Variants in MACROD2 observed in about 807,000 individuals in gnomAD.
MACROD2 encodes the protein mono-ADP ribosylhydrolase 2.
MACROD2 carries 36 observed loss-of-function variants against 70.4 expected under a neutral mutation model. The observed-to-expected ratio is 0.51, with a 90% CI of 0.39 to 0.68. MACROD2 has a LOEUF of 0.68. Ranked by LOEUF, MACROD2 falls within the 30% of genes least tolerant of loss-of-function variation. MACROD2 has a pLI of 0.00. For missense variants in MACROD2, 496 were observed against 538.4 expected, an observed-to-expected ratio of 0.92 and a Z score of 0.78; for synonymous variants, 172 against 178.8, an observed-to-expected ratio of 0.96 and a Z score of 0.30.
At chr20:14,896,649 T>TA (rs111803473) in intron 5 of MACROD2, among the ~76,000 whole-genome samples, 28,869 of 142,452 alleles carry the variant, frequency 0.2, 2,863 homozygotes, top group African/African-American at 0.24. Flanking sequence ...TGAGTTTCCA[T>TA]AAAAAAAAAA....
chr20:16,010,227 G>T (rs1283355704), intron 15 of MACROD2, among the ~76,000 whole-genome samples: 1 of 152,166 alleles, frequency 6.6e-6, no homozygotes, highest in Non-Finnish European at 1.5e-5. Flanking sequence ...GCATGTCCTG[G>T]TGCATGTGGG....
chr20:15,276,708 A>G (rs1233320490), intron 6 of MACROD2, among the ~76,000 whole-genome samples: 3 of 152,210 alleles, frequency 2.0e-5, no homozygotes, highest in African/African-American at 4.8e-5. Context: ...GAATGAAAGC[A>G]TATATATTTC....
At chr20:14,045,130 G>A (rs1673430070) in intron 2 of MACROD2, among the ~76,000 whole-genome samples, 2 of 152,236 alleles carry the variant, frequency 1.3e-5, no homozygotes, top group Non-Finnish European at 2.9e-5. Flanking sequence ...GCCTGCAAGC[G>A]CTGCACGTAG....
chr20:14,639,897 G>A (rs562729435), intron 4 of MACROD2, among the ~76,000 whole-genome samples: 9 of 152,022 alleles, frequency 5.9e-5, no homozygotes, highest in Admixed American at 2.6e-4. Context: ...GATATTTTTT[G>A]TCACTCCCTC....
At chr20:15,525,137 A>G (rs943265455) in intron 8 of MACROD2, among the ~76,000 whole-genome samples, 2 of 152,180 alleles carry the variant, frequency 1.3e-5, no homozygotes, top group African/African-American at 4.8e-5. Context: ...GTTGGCTCAT[A>G]AAGATGTGTT....
At chr20:14,766,134 G>GGC (rs1555827362) in intron 5 of MACROD2, among the ~76,000 whole-genome samples, 6 of 151,172 alleles carry the variant, frequency 4.0e-5, no homozygotes, top group Non-Finnish European at 8.9e-5. Context: ...TATTTAAAAT[G>GGC]GTGTGTGTGT....
chr20:14,882,798 A>C (rs183733855), intron 5 of MACROD2, among the ~76,000 whole-genome samples: 114 of 152,040 alleles, frequency 7.5e-4, no homozygotes, highest in African/African-American at 2.4e-3. Flanking sequence ...TTTTTTAAAA[A>C]TAAAGTTTAG....
intron 3 of MACROD2, among the ~76,000 whole-genome samples, chr20:14,178,093 A>C (rs1489382079): frequency 2.0e-5 from 3 of 152,180 alleles, no homozygotes; most frequent in African/African-American, 7.2e-5. Context: ...TATTCACAAC[A>C]TCTAGGGAAA....
At chr20:15,397,937 T>C (rs757580713) in intron 6 of MACROD2, among the ~76,000 whole-genome samples, 40 of 152,192 alleles carry the variant, frequency 2.6e-4, no homozygotes, top group Non-Finnish European at 4.6e-4. Flanking sequence ...GCCAATTTAG[T>C]AAACTTAGAG....
chr20:15,483,417 C>G (rs1943741484), intron 7 of MACROD2, among the ~76,000 whole-genome samples: 1 of 152,134 alleles, frequency 6.6e-6, no homozygotes, highest in South Asian at 2.1e-4. Context: ...ATCTATTTCT[C>G]CATCCTTTTG....
At chr20:15,439,121 G>A (rs912999353) in intron 7 of MACROD2, among the ~76,000 whole-genome samples, 1 of 152,102 alleles carries the variant, frequency 6.6e-6, no homozygotes, top group African/African-American at 2.4e-5. Flanking sequence ...ACCCCTTTGT[G>A]GTTTATTACA....
chr20:15,263,983 A>G (rs972492850), intron 6 of MACROD2, among the ~76,000 whole-genome samples: 1 of 152,110 alleles, frequency 6.6e-6, no homozygotes, highest in African/African-American at 2.4e-5. Context: ...TGCAAACAGG[A>G]TAATTTGACT....
intron 3 of MACROD2, among the ~76,000 whole-genome samples, chr20:14,298,708 CATG>C (rs1221159119): frequency 2.0e-5 from 3 of 150,436 alleles, no homozygotes; most frequent in Admixed American, 2.0e-4. Flanking sequence ...ATTTGTGACT[CATG>C]GGAGGAGGTC....
At chr20:14,541,735 A>T (rs1291179375) in intron 4 of MACROD2, among the ~76,000 whole-genome samples, 1 of 152,174 alleles carries the variant, frequency 6.6e-6, no homozygotes, top group African/African-American at 2.4e-5. Context: ...GAGGAGAAAG[A>T]GACGTATTAC....
chr20:15,674,977 G>A (rs1283002547), intron 8 of MACROD2, among the ~76,000 whole-genome samples: 1 of 152,102 alleles, frequency 6.6e-6, no homozygotes, highest in African/African-American at 2.4e-5. Flanking sequence ...GGAATAATGG[G>A]AAATGCAGGC....
intron 8 of MACROD2, among the ~76,000 whole-genome samples, chr20:15,831,786 C>T (rs2064058837): frequency 6.6e-6 from 1 of 152,182 alleles, no homozygotes; most frequent in Middle Eastern, 3.2e-3. Flanking sequence ...TGCCTCTGAA[C>T]TATCAGGTGC....
chr20:14,125,646 G>A (rs2054639439), intron 3 of MACROD2, among the ~76,000 whole-genome samples: 1 of 151,780 alleles, frequency 6.6e-6, no homozygotes. Context: ...TGTGAAATAG[G>A]GTCATTTTGC....
At chr20:15,760,775 C>T (rs1229978270) in intron 8 of MACROD2, among the ~76,000 whole-genome samples, 1 of 152,162 alleles carries the variant, frequency 6.6e-6, no homozygotes. Context: ...TGTGAATGGA[C>T]ACAGACACTG....
chr20:14,334,100 C>A, intron 3 of MACROD2, among the ~76,000 whole-genome samples: 1 of 152,152 alleles, frequency 6.6e-6, no homozygotes, highest in East Asian at 1.9e-4. Context: ...TATGCATATG[C>A]AAAACAAATG....
Sources: allele counts gnomAD v4.1 joint callset (sites outside exome capture counted in the v4.1 genomes callset), GRCh38; gene constraint gnomAD v4.1.1; transcripts MANE v1.5; gene names NCBI Gene and HGNC (gene_info 2026-07-23, HGNC 2026-07-21).